Variants in CKAP5 observed in about 807,000 individuals in gnomAD.
The protein encoded by CKAP5 is cytoskeleton associated protein 5.
Under a neutral mutation model 232.8 loss-of-function variants are expected in CKAP5, and 27 were observed. The observed-to-expected ratio is 0.12, with a 90% CI of 0.09 to 0.16. The LOEUF (loss-of-function observed/expected upper bound fraction) is 0.16, where lower values mean the gene tolerates loss of function less well. Ranked by LOEUF, CKAP5 falls within the 10% of genes least tolerant of loss-of-function variation. CKAP5 has a pLI of 1.00. For missense variants in CKAP5, 1,838 were observed against 2,424.7 expected (o/e 0.76, Z 5.08); for synonymous variants, 785 against 841.1 (o/e 0.93, Z 1.16).
At chr11:46,792,325 G>C (rs1938749988) in intron 13 of CKAP5, among the ~76,000 whole-genome samples, 1 of 152,132 alleles carries the variant, frequency 6.6e-6, no homozygotes, top group Admixed American at 6.6e-5. Context: ...GTCTGAGGCA[G>C]GCAGATAATT....
chr11:46,748,752 G>T (rs1046884290), intron 42 of CKAP5, among the ~76,000 whole-genome samples: 1 of 152,066 alleles, frequency 6.6e-6, no homozygotes, highest in Non-Finnish European at 1.5e-5. Flanking sequence ...CCGAGCAACA[G>T]AGCGAGACTG....
chr11:46,762,656 G>A lies in CKAP5; in HGVS notation c.3998C>T (p.Thr1333Ile), dbSNP rs2065165815. Reference protein sequence around the residue: ...SKMFPFIMEGTKSKNSKQRAE... With the variant: ...SKMFPFIMEGIKSKNSKQRAE... Reference sequence around the variant, plus strand: ...TCTCTGCTTAGAGTTTTTGGATTTGGTTCCTTCCATGATAAAGGGAAACAT... The same window carrying A: ...TCTCTGCTTAGAGTTTTTGGATTTGATTCCTTCCATGATAAAGGGAAACAT... Residue 1333 changes from threonine (T) to isoleucine (I), a missense_variant, in exon 31 of 44, where the codon ACC (threonine) becomes ATC (isoleucine). Physicochemically the swap from Thr to Ile is moderately conservative, Grantham distance 89. Coordinates refer to ENST00000529230, the MANE Select transcript of CKAP5 (RefSeq NM_001008938.4). The A allele has an allele frequency of 6.2e-7, 1 of 1,614,100 alleles. No individual in the cohort carries two copies. The highest frequency in any genetic ancestry group is 2.2e-5 in the East Asian group (1 of 44,884).
Position 46,743,917 on chromosome 11 carries a change from C to A in CKAP5, c.*106G>T. 1 of 1,396,776 alleles carries A rather than the reference C, an allele frequency of 7.2e-7. No homozygotes were observed. 86.5% of individuals were successfully genotyped at this position (1,396,776 alleles called of 1,614,324 possible). A position where few individuals can be genotyped will look rare whatever the true frequency, so the allele number is the denominator to read the frequency against. On this transcript the variant is annotated 3_prime_UTR_variant, in exon 44 of 44. Coordinates refer to ENST00000529230, the MANE Select transcript of CKAP5 (RefSeq NM_001008938.4). ...CTCCCCCTAGCTCCACGGCATGATA[C>A]ATACAACCAGTTTGTATACACTAGG...
chr11:46,771,508 T>C (rs141704912), intron 24 of CKAP5, among the ~76,000 whole-genome samples: 338 of 152,286 alleles, frequency 2.2e-3, no homozygotes, highest in Non-Finnish European at 3.8e-3. Context: ...TTGGCTTTAG[T>C]CATGCAGCAC....
intron 38 of CKAP5, among the ~76,000 whole-genome samples, chr11:46,751,956 CAA>C: frequency 6.6e-6 from 1 of 151,920 alleles, no homozygotes; most frequent in African/African-American, 2.4e-5. Context: ...GTCTCTTTCA[CAA>C]AAGAGACCAA....
intron 1 of CKAP5, among the ~76,000 whole-genome samples, chr11:46,840,000 C>T (rs1940012912): frequency 6.6e-6 from 1 of 152,000 alleles, no homozygotes. Flanking sequence ...TTAGCATGTG[C>T]CTGTAGGCCC....
intron 1 of CKAP5, among the ~76,000 whole-genome samples, chr11:46,844,734 C>T (rs920196915): frequency 6.6e-6 from 1 of 152,076 alleles, no homozygotes; most frequent in Non-Finnish European, 1.5e-5. Context: ...CTCTGTCTCC[C>T]GGGTTCAAAT....
At chr11:46,745,605 C>T (rs1406009311) in intron 42 of CKAP5, among the ~76,000 whole-genome samples, 1 of 152,170 alleles carries the variant, frequency 6.6e-6, no homozygotes, top group East Asian at 1.9e-4. Context: ...ACATTCTGCA[C>T]ACCACACTTT....
chr11:46,805,831 GGAGGCT>G (rs1434759611), intron 8 of CKAP5, among the ~76,000 whole-genome samples: 24 of 152,194 alleles, frequency 1.6e-4, no homozygotes, highest in African/African-American at 5.5e-4. Context: ...CAGCTATTTG[GGAGGCT>G]GAGGCAGAAG....
At chr11:46,769,448 C>T (rs957681109) in intron 26 of CKAP5, among the ~76,000 whole-genome samples, 1 of 152,240 alleles carries the variant, frequency 6.6e-6, no homozygotes, top group South Asian at 2.1e-4. Context: ...GTAAGTCCAG[C>T]ACTTTAGGAG....
At position 46,803,396 on chromosome 11, in the gene CKAP5, C is replaced by G. The variant is rs140003396; in HGVS notation, c.979-2092G>C. 2.7e-3 allele frequency among the ~76,000 whole-genome samples: 415 copies of G among 152,052 alleles called. 2 individuals carry two copies. Among genetic ancestry groups the G allele is most frequent in the African/African-American group, 9.5e-3 (393 of 41,476 alleles). On this transcript the variant is annotated intron_variant, in intron 8 of 43. Coordinates refer to ENST00000529230, the MANE Select transcript of CKAP5 (RefSeq NM_001008938.4). ...CGATCTTCCCACCTCAGCCTCCCGA[C>G]TGGCTGGGACTAAAGGCACATGCTA...
intron 30 of CKAP5, 33 bp downstream of exon 30, chr11:46,762,943 A>C (rs768325851): frequency 1.9e-6 from 3 of 1,566,342 alleles, no homozygotes; most frequent in African/African-American, 2.7e-5. Context: ...CTGGGAACTT[A>C]AGCAGTCTCC....
intron 1 of CKAP5, among the ~76,000 whole-genome samples, chr11:46,822,274 C>T (rs941542707): frequency 6.6e-6 from 1 of 152,014 alleles, no homozygotes; most frequent in African/African-American, 2.4e-5. Context: ...GAGCAAGACC[C>T]TGTCTCAAAA....
intron 12 of CKAP5, 45 bp downstream of exon 12, chr11:46,796,767 G>A (rs770249874): frequency 1.2e-6 from 2 of 1,605,730 alleles, no homozygotes; most frequent in South Asian, 2.2e-5. Flanking sequence ...GATGCAAAGA[G>A]ACAGGAATGT....
intron 15 of CKAP5, 92 bp from the exon 16 acceptor site, chr11:46,788,865 GAAGA>G: frequency 1.2e-6 from 1 of 848,834 alleles, no homozygotes; most frequent in East Asian, 2.5e-5. Context: ...GGTTACCTCT[GAAGA>G]AAGGAGTGGA....
In CKAP5 at chr11:46,790,539, G is replaced by A. The variant is rs756495835; in HGVS notation, c.1695C>T (p.Gly565=). Residue 565 remains glycine, a synonymous_variant, in exon 14 of 44, where the codon GGC becomes GGT. Coordinates refer to ENST00000529230, the MANE Select transcript of CKAP5 (RefSeq NM_001008938.4). ...PKKGKPAAPG[G]AGNTGTKNKK... ...TGTTCTTGGTTCCAGTATTCCCTGCGCCTCCTGGTGCAGCTGGTTTCCCCT... is the reference window on the plus strand; with the variant it reads ...TGTTCTTGGTTCCAGTATTCCCTGCACCTCCTGGTGCAGCTGGTTTCCCCT... 8.5e-5 allele frequency: 137 copies of A among 1,613,668 alleles called. 2 individuals are homozygous for A. Among genetic ancestry groups the A allele is most frequent in the South Asian group, 8.0e-4 (73 of 91,074 alleles).
intron 28 of CKAP5, 91 bp from the exon 29 acceptor site, chr11:46,763,721 A>G (rs2065176241): frequency 2.5e-6 from 2 of 786,434 alleles, no homozygotes; most frequent in Admixed American, 6.8e-5. Context: ...GGAACAATAA[A>G]ATATTTAAAA....
chr11:46,838,617 C>CAAA (rs56117525), intron 1 of CKAP5, among the ~76,000 whole-genome samples: 1 of 45,052 alleles, frequency 2.2e-5, no homozygotes, highest in Non-Finnish European at 3.8e-5. Context: ...CTTGCCTCTT[C>CAAA]AAAAAAAAAA....
At chr11:46,806,416 G>C (rs578201205) in intron 8 of CKAP5, among the ~76,000 whole-genome samples, 106 of 152,280 alleles carry the variant, frequency 7.0e-4, no homozygotes, top group Non-Finnish European at 1.2e-3. Flanking sequence ...CCAAATGCTG[G>C]AAGAATTGAC....
Sources: gnomAD v4.1 joint callset for allele counts (sites outside exome capture counted in the v4.1 genomes callset) on GRCh38, gnomAD v4.1.1 for gene constraint, MANE v1.5 for transcripts, NCBI Gene and HGNC (gene_info 2026-07-23, HGNC 2026-07-21) for gene names.